The following ADNP variants were observed in gnomAD, a reference collection of about 807,000 sequenced individuals.
The protein encoded by ADNP is activity dependent neuroprotector homeobox.
ADNP carries 4 observed loss-of-function variants against 84.9 expected under a neutral mutation model. That is an observed-to-expected ratio of 0.05 (90% confidence interval 0.02 to 0.11). The LOEUF (loss-of-function observed/expected upper bound fraction) is 0.11. Ranked by LOEUF, ADNP falls within the 10% of genes least tolerant of loss-of-function variation. The pLI, the probability that ADNP is intolerant of heterozygous loss-of-function variation, is 1.00. For missense variants in ADNP, 1,132 were observed against 1,326.0 expected, an observed-to-expected ratio of 0.85 and a Z score of 2.27; for synonymous variants, 554 against 468.1, an observed-to-expected ratio of 1.18 and a Z score of -2.37.
intron 2 of ADNP, among the ~76,000 whole-genome samples, chr20:50,925,522 AAAC>A (rs1984234380): frequency 6.6e-6 from 1 of 152,214 alleles, no homozygotes; most frequent in Non-Finnish European, 1.5e-5. Context: ...AGGATCAGAC[AAAC>A]AACAAAAAAC....
intron 1 of ADNP, among the ~76,000 whole-genome samples, chr20:50,929,109 A>T (rs1220754569): frequency 6.6e-6 from 1 of 152,200 alleles, no homozygotes; most frequent in Non-Finnish European, 1.5e-5. Flanking sequence ...ATGATTTTTA[A>T]CTCTCAAAGA....
chr20:50,920,208 C>T (rs1241353789), intron 2 of ADNP, among the ~76,000 whole-genome samples: 2 of 130,778 alleles, frequency 1.5e-5, no homozygotes, highest in East Asian at 2.4e-4. Flanking sequence ...ATCCGGGAGG[C>T]GGAGGTTGCA....
In ADNP at chr20:50,894,357, C is replaced by A. The variant is rs763316391; in HGVS notation, c.357G>T (p.Lys119Asn). Residue 119 changes from lysine to asparagine, a missense_variant, in exon 6 of 6, where the codon AAG (lysine) becomes AAT (asparagine). Around this residue, in one of 10 missense-constraint regions of ADNP, gnomAD observed 130 missense variants for 183.7 expected, o/e 0.71. Transcript: ENST00000621696. ...ATATTTTAATGTGTGTTTCCAAAGT[C>A]TTTTTGTCTGCATTGAAGGTACAGT... ...CPYCTFNADK[K>N]TLETHIKIFH... 1 of 1,613,998 alleles carries A rather than the reference C, an allele frequency of 6.2e-7. No homozygotes were observed. Among genetic ancestry groups the A allele is most frequent in the South Asian group, 1.1e-5 (1 of 91,054 alleles).
chr20:50,926,674 C>T (rs1984309587), intron 2 of ADNP, among the ~76,000 whole-genome samples: 1 of 152,110 alleles, frequency 6.6e-6, no homozygotes, highest in Non-Finnish European at 1.5e-5. Context: ...AGAAAACCTA[C>T]ATATATTTTA....
At chr20:50,926,868 TCTTC>T (rs1040734874) in intron 2 of ADNP, among the ~76,000 whole-genome samples, 1 of 152,230 alleles carries the variant, frequency 6.6e-6, no homozygotes, top group Non-Finnish European at 1.5e-5. Context: ...AACAGCTTTA[TCTTC>T]CTTATTAAGT....
chr20:50,926,716 T>C (rs1011451966), intron 2 of ADNP, among the ~76,000 whole-genome samples: 1 of 152,278 alleles, frequency 6.6e-6, no homozygotes, highest in African/African-American at 2.4e-5. Context: ...ACACACCCAA[T>C]TGTGAAATCA....
At chr20:50,906,657 T>C (rs974996142) in intron 2 of ADNP, among the ~76,000 whole-genome samples, 1 of 152,240 alleles carries the variant, frequency 6.6e-6, no homozygotes, top group Non-Finnish European at 1.5e-5. Context: ...TCTAAGTGCC[T>C]ACCCACAGCT....
intron 2 of ADNP, among the ~76,000 whole-genome samples, chr20:50,906,960 CCA>C (rs1982535488): frequency 7.4e-6 from 1 of 135,332 alleles, no homozygotes; most frequent in African/African-American, 2.8e-5. Context: ...AGACAGGGTT[CCA>C]GTTTTTTTTT....
chr20:50,912,294 G>A (rs1231002239), intron 2 of ADNP, among the ~76,000 whole-genome samples: 4 of 152,016 alleles, frequency 2.6e-5, no homozygotes, highest in African/African-American at 4.8e-5. Context: ...TTACAGGCAC[G>A]CGCCACCAGG....
intron 2 of ADNP, among the ~76,000 whole-genome samples, chr20:50,924,679 A>G (rs1282404019): frequency 1.3e-5 from 2 of 152,230 alleles, no homozygotes. Context: ...GGGCCTTTAC[A>G]CTTAAGCAGC....
intron 5 of ADNP, among the ~76,000 whole-genome samples, chr20:50,897,095 C>T (rs1031446986): frequency 1.3e-5 from 2 of 152,034 alleles, no homozygotes; most frequent in Admixed American, 1.3e-4. Context: ...CCCACCACCA[C>T]GCCCGGCTAA....
In ADNP at chr20:50,890,938, G is replaced by C. The variant is rs1980629499; in HGVS notation, c.*467C>G. The C allele has an allele frequency of 1.0e-6, 1 of 987,354 alleles. No homozygotes were observed. The allele number at this position is 987,354 out of a possible 1,614,324, so 61.2% of individuals were successfully genotyped here. ...GAGCATCACTTGAATAGGTCTAAAA[G>C]ACTGTACAAATATACATTTCAACTA... is the stretch of plus-strand genomic sequence containing the variant. On this transcript the variant is annotated 3_prime_UTR_variant, in exon 6 of 6. Transcript: ENST00000621696.
Position 50,892,904 on chromosome 20 carries a change from G to C in ADNP, c.1810C>G (p.Pro604Ala), listed in dbSNP as rs754946235. ...GCAGCTTGAGGTGAACTTTTTACAG[G>C]GATATCTGCCTTTTCCTGAACCTTT... ...QPKVQEKADI[P>A]VKSSPQAAVP... Residue 604 changes from proline to alanine, a missense_variant, in exon 6 of 6, where the codon CCT (proline) becomes GCT (alanine). Pro to Ala is a conservative substitution (Grantham distance 27). Transcript: ENST00000621696. The C allele has an allele frequency of 4.3e-6, 7 of 1,614,218 alleles. No homozygotes were observed. The South Asian group carries it at 7.7e-5, about 18-fold the overall frequency.
intron 3 of ADNP, 185 bp from the exon 4 acceptor site, chr20:50,904,186 T>C (rs1483067537): frequency 3.5e-6 from 2 of 579,438 alleles, no homozygotes; most frequent in Non-Finnish European, 6.1e-6. Context: ...GATATATCCA[T>C]CCATCCATCC....
chr20:50,912,567 C>A (rs1352264361), intron 2 of ADNP, among the ~76,000 whole-genome samples: 1 of 152,166 alleles, frequency 6.6e-6, no homozygotes, highest in African/African-American at 2.4e-5. Flanking sequence ...TTCCCTGCCC[C>A]CAAGTACCTC....
At chr20:50,911,596 G>C (rs1254977040) in intron 2 of ADNP, among the ~76,000 whole-genome samples, 1 of 151,040 alleles carries the variant, frequency 6.6e-6, no homozygotes, top group African/African-American at 2.4e-5. Flanking sequence ...TCCCAGTTTA[G>C]CAGGCTCAAG....
At chr20:50,896,976 T>C (rs1981468492) in intron 5 of ADNP, among the ~76,000 whole-genome samples, 1 of 152,200 alleles carries the variant, frequency 6.6e-6, no homozygotes, top group Admixed American at 6.5e-5. Flanking sequence ...TTTTTTGCTC[T>C]TGTCACCCAA....
In ADNP at chr20:50,891,173, C is replaced by A; in HGVS notation, c.*232G>T. ...TTCCTCGTGTGTATTCATGAGTCACCAGCTTATTGGTTTTTCACATTTAGT... is the reference window on the plus strand; with the variant it reads ...TTCCTCGTGTGTATTCATGAGTCACAAGCTTATTGGTTTTTCACATTTAGT... On this transcript the variant is annotated 3_prime_UTR_variant, in exon 6 of 6. Coordinates refer to ENST00000621696, the MANE Select transcript of ADNP (RefSeq NM_001282531.3). 1.5e-6 allele frequency: 2 copies of A among 1,297,106 alleles called. No homozygotes were observed. Among genetic ancestry groups the A allele is most frequent in the Non-Finnish European group, 1.9e-6 (2 of 1,026,532 alleles). The allele number at this position is 1,297,106 out of a possible 1,614,324, so 80.3% of individuals were successfully genotyped here. A position where few individuals can be genotyped will look rare whatever the true frequency, so the allele number is the denominator to read the frequency against.
rs570801047 is a variant in ADNP at position 50,930,629 on chromosome 20, G to A, written c.-265+197C>T. Among the ~76,000 whole-genome samples the A allele has an allele frequency of 2.5e-4, 38 of 152,238 alleles. No individual in the cohort carries two copies. The East Asian group carries it at 5.4e-3, about 22-fold the overall frequency. ...CGCCTGGACCTCCGGAGCAGAGTCG[G>A]GTAGCGGTCCGTGCCGGGACGGGGG... is the stretch of plus-strand genomic sequence containing the variant. On this transcript the variant is annotated intron_variant, in intron 1 of 5. Coordinates refer to ENST00000621696, the MANE Select transcript of ADNP (RefSeq NM_001282531.3).
Sources: gnomAD v4.1 joint callset for allele counts (sites outside exome capture counted in the v4.1 genomes callset) on GRCh38, gnomAD v4.1.1 for gene constraint, gnomAD v4.1.1 regional missense constraint, MANE v1.5 for transcripts, NCBI Gene and HGNC (gene_info 2026-07-23, HGNC 2026-07-21) for gene names.